SPATA6L: variants seen among roughly 807,000 people sequenced by gnomAD.
SPATA6L encodes the protein spermatogenesis associated 6-like protein.
A neutral mutation model predicts 49.2 loss-of-function variants in SPATA6L; 68 were observed. The observed-to-expected ratio is 1.38, with a 90% CI of 1.14 to 1.69. The LOEUF is 1.69. Among genes scored for constraint, SPATA6L ranks in the 40% most tolerant of loss-of-function variants. SPATA6L has a pLI of 0.00. For missense variants in SPATA6L, 668 were observed against 464.3 expected (o/e 1.44, Z -4.03); for synonymous variants, 198 against 165.7 (o/e 1.19, Z -1.50).
rs776809020 is a variant in SPATA6L at position 4,605,492 on chromosome 9, A to G, written c.996-52T>C. ...ATATTAAGCAGCTACTAAAAAGGAC[A>G]CTTAAAGCACATGACGGTATGGATT... is the stretch of plus-strand genomic sequence containing the variant. On this transcript the variant is annotated intron_variant, in intron 9 of 11. Coordinates refer to ENST00000682582, the MANE Select transcript of SPATA6L (RefSeq NM_001353486.2). 12 of 1,269,876 alleles carry G rather than the reference A, an allele frequency of 9.4e-6. No homozygotes were observed. The South Asian group carries it at 9.6e-5, about 10-fold the overall frequency. The allele number at this position is 1,269,876 out of a possible 1,614,324, so 78.7% of individuals were successfully genotyped here.
At chr9:4,612,573 G>A (rs1314486882) in intron 9 of SPATA6L, among the ~76,000 whole-genome samples, 1 of 152,106 alleles carries the variant, frequency 6.6e-6, no homozygotes, top group Non-Finnish European at 1.5e-5. Flanking sequence ...TCTGTTATAC[G>A]GACTTGCAGT....
intron 3 of SPATA6L, among the ~76,000 whole-genome samples, chr9:4,648,474 C>A (rs1331895443): frequency 1.3e-5 from 2 of 151,910 alleles, no homozygotes; most frequent in African/African-American, 2.4e-5. Context: ...CCGAGGCGGG[C>A]GGATCACAAG....
At chr9:4,641,513 G>T (rs1055555932) in intron 3 of SPATA6L, among the ~76,000 whole-genome samples, 5 of 152,116 alleles carry the variant, frequency 3.3e-5, no homozygotes, top group African/African-American at 1.2e-4. Flanking sequence ...TAATGTAAAT[G>T]TTATCTAATA....
chr9:4,606,336 CT>C (rs1427585398), intron 9 of SPATA6L, among the ~76,000 whole-genome samples: 1 of 139,856 alleles, frequency 7.2e-6, no homozygotes, highest in Admixed American at 7.3e-5. Context: ...GGCGCCACGT[CT>C]GGGGGCAGGG....
chr9:4,658,696 T>C, intron 2 of SPATA6L, among the ~76,000 whole-genome samples: 1 of 152,160 alleles, frequency 6.6e-6, no homozygotes, highest in East Asian at 1.9e-4. Context: ...AAAAATATTT[T>C]TAAAGACTTT....
Position 4,638,167 on chromosome 9 carries a change from TAGAG to T in SPATA6L, c.227-2772_227-2769del, listed in dbSNP as rs200357827. Among the ~76,000 whole-genome samples the T allele has an allele frequency of 9.7e-3, 1,425 of 147,396 alleles. 7 individuals carry two copies. The highest frequency in any genetic ancestry group is 0.014 in the Non-Finnish European group (961 of 67,850). ...GAGTAAATTACTAGGAATAAAGAGA[TAGAG>T]AGGCTAGGAAGACAGGAGGGAAGAT... is the stretch of plus-strand genomic sequence containing the variant. On this transcript the variant is annotated intron_variant, in intron 3 of 11. Transcript: ENST00000682582.
chr9:4,617,951 G>A lies in SPATA6L; in HGVS notation c.967C>T (p.Pro323Ser). 6.2e-7 allele frequency: 1 copy of A among 1,613,722 alleles called. No homozygotes were observed. The highest frequency in any genetic ancestry group is 8.5e-7 in the Non-Finnish European group (1 of 1,179,862). Reference protein sequence around the residue: ...ATYQHSTSPGPLDQPLLRERF... With the variant: ...ATYQHSTSPGSLDQPLLRERF... ...TCTCTGAGAAGGGGCTGATCCAAGG[G>A]GCCAGGAGAGGTGGAATGCTGGTAG... The change falls in exon 9 of 12, where the codon CCC (proline) becomes TCC (serine). Residue 323 changes from proline (P) to serine (S), a missense_variant. Pro to Ser is a moderately conservative substitution (Grantham distance 74). Transcript: ENST00000682582.
chr9:4,658,362 G>C (rs1334355926), intron 2 of SPATA6L, among the ~76,000 whole-genome samples: 2 of 152,168 alleles, frequency 1.3e-5, no homozygotes, highest in East Asian at 1.9e-4. Context: ...CAGAAGATCC[G>C]AGGAAAAGAA....
At chr9:4,632,782 C>G (rs575469060) in intron 4 of SPATA6L, among the ~76,000 whole-genome samples, 5 of 152,176 alleles carry the variant, frequency 3.3e-5, no homozygotes, top group East Asian at 3.9e-4. Context: ...TGATTCTCCC[C>G]CATTAACATG....
chr9:4,590,151 T>C (rs970718251), intron 13 of SPATA6L, among the ~76,000 whole-genome samples: 7 of 152,188 alleles, frequency 4.6e-5, no homozygotes, highest in Non-Finnish European at 1.0e-4. Context: ...CTCAAACTCC[T>C]GACCTCAGGT....
chr9:4,650,704 G>A (rs1836620580), intron 3 of SPATA6L, among the ~76,000 whole-genome samples: 1 of 152,022 alleles, frequency 6.6e-6, no homozygotes, highest in African/African-American at 2.4e-5. Context: ...CTGTCGCCCA[G>A]GCTAGAGTGC....
rs560952465 is a variant in SPATA6L, at chr9:4,639,164, A to C, written c.227-3765T>G. 2.0e-5 allele frequency among the ~76,000 whole-genome samples: 3 copies of C among 152,236 alleles called. No individual in the cohort carries two copies. The East Asian group carries it at 5.8e-4, about 29-fold the overall frequency. On this transcript the variant is annotated intron_variant, in intron 3 of 11. Transcript: ENST00000682582. ...CCTGACATTGCCTACCATTACCACG[A>C]TTGCTCCCTGACACCAGCCCAGCAG...
At chr9:4,632,476 A>T (rs1341750796) in intron 4 of SPATA6L, among the ~76,000 whole-genome samples, 2 of 151,740 alleles carry the variant, frequency 1.3e-5, no homozygotes, top group Non-Finnish European at 2.9e-5. Flanking sequence ...AGTGCCTGTA[A>T]TCCCAGCTAC....
Position 4,600,702 on chromosome 9 carries a change from T to C in SPATA6L, c.*109A>G, listed in dbSNP as rs1823024808. 6.6e-6 allele frequency: 1 copy of C among 152,170 alleles called. No homozygotes were observed. The highest frequency in any genetic ancestry group is 1.5e-5 in the Non-Finnish European group (1 of 68,028). The allele number at this position is 152,170 out of a possible 1,614,324, so 9.4% of individuals were successfully genotyped here. A position where few individuals can be genotyped will look rare whatever the true frequency, so the allele number is the denominator to read the frequency against. ...GGTTTGGTTTAAAGGGGATTAGACATCAGTGACTCAACACAGACAACAAAA... is the reference window on the plus strand; with the variant it reads ...GGTTTGGTTTAAAGGGGATTAGACACCAGTGACTCAACACAGACAACAAAA... On this transcript the variant is annotated 3_prime_UTR_variant, in exon 12 of 12. Coordinates refer to ENST00000682582, the MANE Select transcript of SPATA6L (RefSeq NM_001353486.2).
intron 8 of SPATA6L, 73 bp downstream of exon 8, chr9:4,618,791 T>C (rs1394756106): frequency 1.6e-5 from 22 of 1,400,880 alleles, no homozygotes; most frequent in Non-Finnish European, 2.1e-5. Flanking sequence ...CCACCACTGA[T>C]TGGAAAAAGC....
At chr9:4,665,549 G>C (rs963484726) in intron 1 of SPATA6L, among the ~76,000 whole-genome samples, 5 of 152,168 alleles carry the variant, frequency 3.3e-5, no homozygotes, top group African/African-American at 1.2e-4. Flanking sequence ...TGTAATCATA[G>C]CCAGTAGAAA....
intron 13 of SPATA6L, among the ~76,000 whole-genome samples, chr9:4,592,578 C>T (rs77617981): frequency 6.6e-6 from 1 of 152,184 alleles, no homozygotes; most frequent in Non-Finnish European, 1.5e-5. Flanking sequence ...CTGTTCTTCA[C>T]CAGGCATTGT....
chr9:4,605,347 C>G lies in SPATA6L; in HGVS notation c.1089G>C (p.Lys363Asn), dbSNP rs1824497991. ...ATCTAGTTTTATAAGAAAGTCTAAC[C>G]TTGTTTTGGTGCAGCTGTGCTCTGT... ...TSHRAQLHQNKEDSTSEVNYI... is the reference protein window; with the variant it reads ...TSHRAQLHQNNEDSTSEVNYI... Residue 363 changes from lysine to asparagine, a missense_variant and splice_region_variant, in exon 10 of 12, where the codon AAG becomes AAC. Physicochemically the swap from Lys to Asn is moderately conservative, Grantham distance 94 (BLOSUM62 0). Coordinates refer to ENST00000682582, the MANE Select transcript of SPATA6L (RefSeq NM_001353486.2). 6.2e-7 allele frequency: 1 copy of G among 1,612,388 alleles called. No individual in the cohort carries two copies. Among genetic ancestry groups the G allele is most frequent in the South Asian group, 1.1e-5 (1 of 91,032 alleles).
chr9:4,640,623 C>T (rs1009985720), intron 3 of SPATA6L, among the ~76,000 whole-genome samples: 23 of 152,106 alleles, frequency 1.5e-4, no homozygotes, highest in African/African-American at 5.3e-4. Flanking sequence ...GGGCTCACTG[C>T]CACTACTACG....
Sources: allele counts gnomAD v4.1 joint callset (sites outside exome capture counted in the v4.1 genomes callset), GRCh38; gene constraint gnomAD v4.1.1; transcripts MANE v1.5; gene names NCBI Gene and HGNC (gene_info 2026-07-23, HGNC 2026-07-21).